FBXW7: variants seen among roughly 807,000 people sequenced by gnomAD.
FBXW7 encodes F-box/WD repeat-containing protein 7.
In FBXW7, 11 loss-of-function variants were observed where a neutral mutation model predicts 86.3. The ratio of observed to expected loss-of-function variants is 0.13; its 90% confidence interval spans 0.08 to 0.21. The LOEUF (loss-of-function observed/expected upper bound fraction) is 0.21, where lower values mean the gene tolerates loss of function less well. FBXW7 is among the 10% of genes least tolerant of loss of function. The pLI, the probability that FBXW7 is intolerant of heterozygous loss-of-function variation, is 1.00. For missense variants in FBXW7, 488 were observed against 847.4 expected, an observed-to-expected ratio of 0.58 and a Z score of 5.27; for synonymous variants, 313 against 297.9, an observed-to-expected ratio of 1.05 and a Z score of -0.52.
chr4:152,495,917 C>T (rs1053285492), intron 2 of FBXW7, among the ~76,000 whole-genome samples: 2 of 152,154 alleles, frequency 1.3e-5, no homozygotes, highest in African/African-American at 4.8e-5. Flanking sequence ...TGGCTCATGC[C>T]TGTAATCTCA....
chr4:152,441,367 C>A (rs560771831), intron 2 of FBXW7, among the ~76,000 whole-genome samples: 48 of 152,242 alleles, frequency 3.2e-4, no homozygotes, highest in African/African-American at 1.2e-3. Context: ...ATTAGTCACA[C>A]GCCTCCTGCT....
At chr4:152,492,842 T>C (rs1300662519) in intron 2 of FBXW7, among the ~76,000 whole-genome samples, 1 of 152,068 alleles carries the variant, frequency 6.6e-6, no homozygotes, top group Non-Finnish European at 1.5e-5. Flanking sequence ...ATGGGGATTA[T>C]TATGAGTTCA....
intron 4 of FBXW7, among the ~76,000 whole-genome samples, chr4:152,403,858 T>A (rs11934765): frequency 0.066 from 10,092 of 152,200 alleles, 456 homozygotes; most frequent in Non-Finnish European, 0.1. Context: ...AAAAACAGAC[T>A]CTGAAATTGC....
At chr4:152,464,882 T>C (rs890736372) in intron 2 of FBXW7, among the ~76,000 whole-genome samples, 2 of 152,128 alleles carry the variant, frequency 1.3e-5, no homozygotes, top group African/African-American at 4.8e-5. Context: ...AATAACTTTA[T>C]TGGAAGAAAA....
At chr4:152,462,649 T>C (rs1743057280) in intron 2 of FBXW7, among the ~76,000 whole-genome samples, 1 of 152,250 alleles carries the variant, frequency 6.6e-6, no homozygotes, top group Non-Finnish European at 1.5e-5. Flanking sequence ...TTGGAGGCTC[T>C]CATCTGGCTT....
chr4:152,377,109 C>G (rs189715041), intron 4 of FBXW7, among the ~76,000 whole-genome samples: 1 of 151,832 alleles, frequency 6.6e-6, no homozygotes, highest in African/African-American at 2.4e-5. Flanking sequence ...ATAGTTGAAA[C>G]GTGTTAAGTT....
At chr4:152,379,485 C>A (rs1249963302) in intron 4 of FBXW7, among the ~76,000 whole-genome samples, 1 of 152,006 alleles carries the variant, frequency 6.6e-6, no homozygotes, top group South Asian at 2.1e-4. Flanking sequence ...ATGAGGACTG[C>A]AAGACTAAAA....
At chr4:152,378,880 C>T (rs1286339707) in intron 4 of FBXW7, among the ~76,000 whole-genome samples, 1 of 152,062 alleles carries the variant, frequency 6.6e-6, no homozygotes. Flanking sequence ...GTGGCATGCA[C>T]CTGTAGTCCC....
At chr4:152,529,629 A>T (rs1471622704) in intron 2 of FBXW7, among the ~76,000 whole-genome samples, 2 of 152,218 alleles carry the variant, frequency 1.3e-5, no homozygotes. Context: ...AAAGTGAATT[A>T]CACTTTCTGA....
At chr4:152,412,823 T>TGCATTCA (rs1738087752) in intron 2 of FBXW7, among the ~76,000 whole-genome samples, 1 of 152,120 alleles carries the variant, frequency 6.6e-6, no homozygotes, top group African/African-American at 2.4e-5. Context: ...CATTTCAAAA[T>TGCATTCA]AAACTGCATC....
At chr4:152,361,416 A>G (rs1208160295) in intron 4 of FBXW7, among the ~76,000 whole-genome samples, 1 of 152,202 alleles carries the variant, frequency 6.6e-6, no homozygotes, top group Non-Finnish European at 1.5e-5. Context: ...GCAAATACTT[A>G]CATGATTCCC....
intron 2 of FBXW7, among the ~76,000 whole-genome samples, chr4:152,483,358 T>C (rs1579319877): frequency 6.6e-6 from 1 of 151,366 alleles, no homozygotes; most frequent in Non-Finnish European, 1.5e-5. Context: ...TGTAATAGAG[T>C]CAAATCTGTT....
chr4:152,455,569 A>G (rs1742325213), intron 2 of FBXW7, among the ~76,000 whole-genome samples: 2 of 152,168 alleles, frequency 1.3e-5, no homozygotes, highest in African/African-American at 2.4e-5. Flanking sequence ...GGTTTTCTCC[A>G]TTATGTTCCT....
At chr4:152,496,454 A>C (rs1746349020) in intron 2 of FBXW7, among the ~76,000 whole-genome samples, 1 of 151,980 alleles carries the variant, frequency 6.6e-6, no homozygotes, top group Non-Finnish European at 1.5e-5. Context: ...CACTTCGAGA[A>C]GCTGAGGTGG....
At chr4:152,471,444 A>G (rs1414716542) in intron 2 of FBXW7, among the ~76,000 whole-genome samples, 1 of 127,494 alleles carries the variant, frequency 7.8e-6, no homozygotes, top group African/African-American at 2.9e-5. Context: ...AGGGAAGGAA[A>G]GAGAGAAGGA....
chr4:152,353,002 C>A, intron 4 of FBXW7: 1 of 1,236,348 alleles, frequency 8.1e-7, no homozygotes, highest in Non-Finnish European at 1.0e-6. Context: ...CAGCAGAGAC[C>A]GCCCCCACAC....
intron 2 of FBXW7, among the ~76,000 whole-genome samples, chr4:152,423,243 T>C (rs1739102193): frequency 6.6e-6 from 1 of 152,210 alleles, no homozygotes; most frequent in Non-Finnish European, 1.5e-5. Flanking sequence ...CTTTTTAATT[T>C]ATTAAAAGAA....
chr4:152,448,599 G>T (rs1741618997), intron 2 of FBXW7, among the ~76,000 whole-genome samples: 1 of 152,090 alleles, frequency 6.6e-6, no homozygotes, highest in Non-Finnish European at 1.5e-5. Flanking sequence ...ACATTGACTT[G>T]CTCATTAGAT....
At chr4:152,503,106 A>G (rs1203357525) in intron 2 of FBXW7, among the ~76,000 whole-genome samples, 2 of 152,224 alleles carry the variant, frequency 1.3e-5, no homozygotes, top group Non-Finnish European at 2.9e-5. Context: ...AATTATGAGG[A>G]ATACTAAAAT....
Sources: allele counts gnomAD v4.1 joint callset (sites outside exome capture counted in the v4.1 genomes callset), GRCh38; gene constraint gnomAD v4.1.1; transcripts MANE v1.5; gene names NCBI Gene and HGNC (gene_info 2026-07-23, HGNC 2026-07-21).